Variants in MILR1 observed in about 807,000 individuals in gnomAD.
MILR1 encodes the protein allergin-1.
Under a neutral mutation model 18.5 loss-of-function variants are expected in MILR1, and 31 were observed. The observed-to-expected ratio is 1.68, with a 90% CI of 1.26 to 2.26. MILR1 has a LOEUF of 2.26. Ranked by LOEUF, MILR1 falls within the 30% of genes most tolerant of loss-of-function variation. MILR1 has a pLI of 0.00. For synonymous variants in MILR1, 85 were observed against 56.2 expected (o/e 1.51, Z -2.30); for missense variants, 257 against 157.4 (o/e 1.63, Z -3.38).
chr17:64,489,020 TTC>T, the MILR1 span, among the ~76,000 whole-genome samples: 3 of 151,072 alleles, frequency 2.0e-5, no homozygotes, highest in Admixed American at 6.6e-5. Context: ...TATATATTTT[TTC>T]TTTTTCTTTT....
the MILR1 span, among the ~76,000 whole-genome samples, chr17:64,488,386 A>G: frequency 1.3e-5 from 2 of 152,186 alleles, no homozygotes; most frequent in African/African-American, 2.4e-5. Context: ...AAAACTCTTC[A>G]TTAGTGAAAA....
intron 8 of MILR1, among the ~76,000 whole-genome samples, chr17:64,467,030 C>G (rs938210684): frequency 3.0e-5 from 4 of 134,776 alleles, no homozygotes; most frequent in Non-Finnish European, 4.5e-5. Flanking sequence ...CTTTCTCTTT[C>G]TTTCTTTCTT....
At chr17:64,480,721 A>C in the MILR1 span, among the ~76,000 whole-genome samples, 2 of 152,140 alleles carry the variant, frequency 1.3e-5, no homozygotes, top group African/African-American at 4.8e-5. Flanking sequence ...AAACCAGGAG[A>C]TCCAAAGGGC....
chr17:64,479,867 G>A, the MILR1 span, among the ~76,000 whole-genome samples: 1 of 152,172 alleles, frequency 6.6e-6, no homozygotes, highest in African/African-American at 2.4e-5. Context: ...GTGAACAGAG[G>A]TGCCAATCCC....
downstream of MILR1, among the ~76,000 whole-genome samples, chr17:64,471,045 G>A (rs57910820): frequency 0.065 from 9,840 of 152,098 alleles, 441 homozygotes; most frequent in Admixed American, 0.15. Context: ...AGTCCTTGTT[G>A]CCATCCATCC....
the MILR1 span, among the ~76,000 whole-genome samples, chr17:64,493,279 ATGGT>A: frequency 9.1e-4 from 138 of 152,160 alleles, 1 homozygote; most frequent in Non-Finnish European, 4.4e-5. Flanking sequence ...TAAGCCAGGC[ATGGT>A]GGTGTGTGCC....
chr17:64,476,531 T>A, the MILR1 span, among the ~76,000 whole-genome samples: 1 of 152,014 alleles, frequency 6.6e-6, no homozygotes, highest in Non-Finnish European at 1.5e-5. Flanking sequence ...AATAAATAAA[T>A]GTAAATAAAT....
At chr17:64,484,471 CTGAG>C in the MILR1 span, among the ~76,000 whole-genome samples, 2 of 152,132 alleles carry the variant, frequency 1.3e-5, no homozygotes, top group African/African-American at 4.8e-5. Flanking sequence ...TCGGTTTTTC[CTGAG>C]TGAGATGAGA....
intron 5 of MILR1, among the ~76,000 whole-genome samples, chr17:64,461,984 C>G (rs1271969351): frequency 6.6e-6 from 1 of 152,158 alleles, no homozygotes; most frequent in Non-Finnish European, 1.5e-5. Flanking sequence ...TACATAAATA[C>G]GCCACACTTT....
chr17:64,460,972 G>C, intron 5 of MILR1, 40 bp downstream of exon 5: 1 of 470,342 alleles, frequency 2.1e-6, no homozygotes. Context: ...TTTTCCCGTG[G>C]GCTTGGGATA....
chr17:64,449,998 G>T (rs2037130277), intron 2 of MILR1, among the ~76,000 whole-genome samples: 1 of 151,530 alleles, frequency 6.6e-6, no homozygotes, highest in Non-Finnish European at 1.5e-5. Flanking sequence ...GGAGTCAGTG[G>T]TGCAATCTCG....
At chr17:64,475,649 CAAA>C in the MILR1 span, among the ~76,000 whole-genome samples, 39 of 86,272 alleles carry the variant, frequency 4.5e-4, 1 homozygote, top group African/African-American at 1.1e-3. Flanking sequence ...AACTCCAACT[CAAA>C]AAAAAAAAAA....
At chr17:64,492,555 A>G in the MILR1 span, 659 of 688,858 alleles carry the variant, frequency 9.6e-4, 2 homozygotes, top group African/African-American at 0.011. Context: ...TGTATAATAT[A>G]TTAATAGCTA....
chr17:64,478,854 G>A, the MILR1 span, among the ~76,000 whole-genome samples: 1 of 152,040 alleles, frequency 6.6e-6, no homozygotes, highest in Admixed American at 6.6e-5. Context: ...CCGAGATCAC[G>A]CCATTGCACC....
the MILR1 span, chr17:64,497,022 GCCA>G: frequency 6.6e-7 from 1 of 1,513,082 alleles, no homozygotes; most frequent in Admixed American, 1.7e-5. Flanking sequence ...ATCCCAACAA[GCCA>G]CCACTACCGT....
chr17:64,466,621 A>G lies in MILR1; in HGVS notation c.938A>G (p.Tyr313Cys), dbSNP rs370961802. 10 of 1,611,168 alleles carry G rather than the reference A, an allele frequency of 6.2e-6. No homozygotes were observed. In the Middle Eastern group the frequency reaches 1.2e-3, roughly 186 times the overall value. Residue 313 changes from tyrosine (Y) to cysteine (C), a missense_variant, in exon 8 of 10, where the codon TAT becomes TGT. Coordinates refer to ENST00000619286, the MANE Select transcript of MILR1 (RefSeq NM_001085423.2). The stretch of plus-strand genomic sequence containing the variant: ...GCCAAACACTCCCAGGAGCTACAGT[A>G]TGCCACCCCCGTGTTCCAGGAGGTG... ...DEAKHSQELQYATPVFQEVAP... is the reference protein window; with the variant it reads ...DEAKHSQELQCATPVFQEVAP...
At chr17:64,456,775 A>G (rs890291310) in intron 3 of MILR1, among the ~76,000 whole-genome samples, 5 of 152,268 alleles carry the variant, frequency 3.3e-5, no homozygotes, top group African/African-American at 1.2e-4. Flanking sequence ...TCACTCCAGC[A>G]TGGTTGAAAG....
In MILR1 at chr17:64,452,890, G is replaced by C. The variant is rs976462791; in HGVS notation, c.367+24G>C. ...CGGTAAGTAGAGTGCCTGTTCCTTGGAGCCCCTATAATTTATAGGGTGCTT... is the reference window on the plus strand; with the variant it reads ...CGGTAAGTAGAGTGCCTGTTCCTTGCAGCCCCTATAATTTATAGGGTGCTT... On this transcript the variant is annotated intron_variant, in intron 3 of 9. Coordinates refer to ENST00000619286, the MANE Select transcript of MILR1 (RefSeq NM_001085423.2). 6.3e-6 allele frequency: 3 copies of C among 473,788 alleles called. No homozygotes were observed. The Admixed American group carries it at 9.5e-5, about 15-fold the overall frequency. The allele number at this position is 473,788 out of a possible 1,614,324, so 29.3% of individuals were successfully genotyped here. A position where few individuals can be genotyped will look rare whatever the true frequency, so the allele number is the denominator to read the frequency against.
At chr17:64,492,619 A>C in the MILR1 span, 11 of 1,092,408 alleles carry the variant, frequency 1.0e-5, no homozygotes, top group Non-Finnish European at 1.5e-5. Context: ...TGACACATTA[A>C]GACAATTTAT....
Sources: gnomAD v4.1 joint callset for allele counts (sites outside exome capture counted in the v4.1 genomes callset) on GRCh38, gnomAD v4.1.1 for gene constraint, MANE v1.5 for transcripts, NCBI Gene and HGNC (gene_info 2026-07-23, HGNC 2026-07-21) for gene names.